ZC3HAV1: variants seen among roughly 807,000 people sequenced by gnomAD.
The protein encoded by ZC3HAV1 is zinc finger CCCH-type antiviral protein 1.
A neutral mutation model predicts 86.6 loss-of-function variants in ZC3HAV1; 41 were observed. The observed-to-expected ratio is 0.47, with a 90% CI of 0.37 to 0.61. The LOEUF (loss-of-function observed/expected upper bound fraction) is 0.61, where lower values mean the gene tolerates loss of function less well. ZC3HAV1 is among the 20% of genes least tolerant of loss of function. The pLI is 0.00. For synonymous variants in ZC3HAV1, 421 were observed against 432.1 expected, an observed-to-expected ratio of 0.97 and a Z score of 0.32; for missense variants, 964 against 1,141.1, an observed-to-expected ratio of 0.84 and a Z score of 2.24.
In ZC3HAV1 at chr7:139,044,914, A is replaced by C. The variant is rs1650211311; in HGVS notation, c.*2680T>G. Reference sequence around the variant, plus strand: ...ATACAAATAAGTATTGTCATATGCAAAGAAGTTATTGTATCCCTAGTTTTT... The same window carrying C: ...ATACAAATAAGTATTGTCATATGCACAGAAGTTATTGTATCCCTAGTTTTT... On this transcript the variant is annotated 3_prime_UTR_variant, in exon 13 of 13. Transcript: ENST00000242351. 1 of 152,262 alleles carries C rather than the reference A, an allele frequency of 6.6e-6. No individual in the cohort carries two copies. Among genetic ancestry groups the C allele is most frequent in the African/African-American group, 2.4e-5 (1 of 41,440 alleles). 9.4% of individuals were successfully genotyped at this position (152,262 alleles called of 1,614,324 possible). A position where few individuals can be genotyped will look rare whatever the true frequency, so the allele number is the denominator to read the frequency against.
At chr7:139,084,916 C>A (rs1020693346) in intron 2 of ZC3HAV1, among the ~76,000 whole-genome samples, 1 of 152,206 alleles carries the variant, frequency 6.6e-6, no homozygotes, top group African/African-American at 2.4e-5. Flanking sequence ...TCACTGTGAT[C>A]TGTCTAGATG....
chr7:139,101,452 G>A (rs1166080978), intron 1 of ZC3HAV1, among the ~76,000 whole-genome samples: 1 of 116,708 alleles, frequency 8.6e-6, no homozygotes, highest in African/African-American at 3.4e-5. Flanking sequence ...CCTCTGCCCT[G>A]CCGCCCCGTC....
chr7:139,044,257 T>G lies in ZC3HAV1; in HGVS notation c.*3337A>C, dbSNP rs1815895910. The stretch of plus-strand genomic sequence containing the variant: ...GTTTTGTCTTTACCCTAACACTGGT[T>G]TTCATTCTAGTGTCCCCCACCCGTC... On this transcript the variant is annotated 3_prime_UTR_variant, in exon 13 of 13. Coordinates refer to ENST00000242351, the MANE Select transcript of ZC3HAV1 (RefSeq NM_020119.4). The G allele has an allele frequency of 6.6e-6, 1 of 152,200 alleles. No individual in the cohort carries two copies. Among genetic ancestry groups the G allele is most frequent in the Non-Finnish European group, 1.5e-5 (1 of 68,022 alleles). 9.4% of individuals were successfully genotyped at this position (152,200 alleles called of 1,614,324 possible).
intron 3 of ZC3HAV1, among the ~76,000 whole-genome samples, chr7:139,081,748 T>C (rs1020200371): frequency 6.6e-6 from 1 of 152,260 alleles, no homozygotes; most frequent in South Asian, 2.1e-4. Flanking sequence ...CCTTTCTTTG[T>C]GGTTTCACTG....
chr7:139,096,979 C>T (rs1033067357), intron 1 of ZC3HAV1, among the ~76,000 whole-genome samples: 10 of 151,340 alleles, frequency 6.6e-5, no homozygotes, highest in East Asian at 2.0e-4. Context: ...AGAAGTTAGC[C>T]GGGCATGGTG....
chr7:139,060,858 A>G, intron 9 of ZC3HAV1, 178 bp downstream of exon 9: 1 of 1,520,562 alleles, frequency 6.6e-7, no homozygotes, highest in East Asian at 2.5e-5. Flanking sequence ...GTATCCTTTC[A>G]GTCACACCAT....
intron 5 of ZC3HAV1, among the ~76,000 whole-genome samples, chr7:139,077,001 C>A (rs191789229): frequency 1.3e-3 from 170 of 135,914 alleles, no homozygotes; most frequent in Non-Finnish European, 2.2e-3. Context: ...CCTTTCTGCA[C>A]CCCCCCAAGT....
intron 9 of ZC3HAV1, among the ~76,000 whole-genome samples, chr7:139,060,158 G>A (rs147863971): frequency 1.1e-3 from 162 of 152,232 alleles, no homozygotes; most frequent in African/African-American, 3.8e-3. Context: ...AGATTCTTGC[G>A]AGTTGTTTTC....
intron 6 of ZC3HAV1, among the ~76,000 whole-genome samples, chr7:139,074,988 TG>T (rs1485498209): frequency 6.6e-6 from 1 of 152,206 alleles, no homozygotes; most frequent in Non-Finnish European, 1.5e-5. Context: ...CTTAGATCAG[TG>T]GTTCTCAATC....
intron 7 of ZC3HAV1, among the ~76,000 whole-genome samples, chr7:139,071,765 T>A (rs1475139107): frequency 1.3e-5 from 2 of 152,166 alleles, no homozygotes; most frequent in Non-Finnish European, 2.9e-5. Context: ...TGAGCCCATA[T>A]CCTATTCCAC....
intron 7 of ZC3HAV1, among the ~76,000 whole-genome samples, chr7:139,065,249 G>A (rs945359925): frequency 1.1e-4 from 17 of 152,138 alleles, no homozygotes; most frequent in African/African-American, 4.1e-4. Flanking sequence ...AAGTGTAGCT[G>A]TTTGCAATAC....
intron 9 of ZC3HAV1, among the ~76,000 whole-genome samples, chr7:139,058,175 A>T (rs1816341692): frequency 1.6e-5 from 2 of 124,550 alleles, no homozygotes; most frequent in African/African-American, 3.0e-5. Context: ...CCCCACTAAC[A>T]TGTTTTTCTA....
intron 2 of ZC3HAV1, 99 bp downstream of exon 2, chr7:139,089,525 G>T: frequency 7.1e-7 from 1 of 1,405,002 alleles, no homozygotes; most frequent in Non-Finnish European, 9.5e-7. Flanking sequence ...CAGAACCCTG[G>T]CATTAATTTT....
intron 7 of ZC3HAV1, among the ~76,000 whole-genome samples, chr7:139,070,525 G>A (rs945502935): frequency 2.6e-5 from 4 of 151,550 alleles, no homozygotes; most frequent in African/African-American, 4.9e-5. Context: ...TTAGCTGGGC[G>A]CGGTGGCGGG....
At chr7:139,097,422 A>ATTTTTTTT (rs1563140647) in intron 1 of ZC3HAV1, among the ~76,000 whole-genome samples, 12 of 79,456 alleles carry the variant, frequency 1.5e-4, no homozygotes, top group African/African-American at 4.7e-4. Flanking sequence ...ATATATATAT[A>ATTTTTTTT]TATATATTTT....
intron 1 of ZC3HAV1, among the ~76,000 whole-genome samples, chr7:139,105,441 A>G (rs1018618587): frequency 6.6e-6 from 1 of 152,208 alleles, no homozygotes; most frequent in African/African-American, 2.4e-5. Flanking sequence ...TTCGATAAAT[A>G]GTGATTATTT....
intron 3 of ZC3HAV1, among the ~76,000 whole-genome samples, chr7:139,081,579 G>C (rs1817129926): frequency 6.6e-6 from 1 of 152,206 alleles, no homozygotes; most frequent in Non-Finnish European, 1.5e-5. Context: ...CTACTTTCTA[G>C]TGATGTGAGG....
At chr7:139,100,875 G>A (rs1817735665) in intron 1 of ZC3HAV1, among the ~76,000 whole-genome samples, 2 of 147,850 alleles carry the variant, frequency 1.4e-5, no homozygotes, top group African/African-American at 5.1e-5. Context: ...TCTTTCCACC[G>A]TCTCCCTCTG....
intron 1 of ZC3HAV1, among the ~76,000 whole-genome samples, chr7:139,098,440 T>C (rs1259344802): frequency 2.0e-5 from 3 of 152,332 alleles, no homozygotes; most frequent in Middle Eastern, 3.4e-3. Context: ...ATCAAAATGT[T>C]AGGAAACGAT....
Sources: gnomAD v4.1 joint callset for allele counts (sites outside exome capture counted in the v4.1 genomes callset) on GRCh38, gnomAD v4.1.1 for gene constraint, MANE v1.5 for transcripts, NCBI Gene and HGNC (gene_info 2026-07-23, HGNC 2026-07-21) for gene names.